The following NINL variants were observed in gnomAD, a reference collection of about 807,000 sequenced individuals.
NINL encodes ninein-like protein.
In NINL, 153 loss-of-function variants were observed where a neutral mutation model predicts 160.3. The observed-to-expected ratio is 0.95, with a 90% CI of 0.84 to 1.09. The LOEUF (loss-of-function observed/expected upper bound fraction) is 1.09, where lower values mean the gene tolerates loss of function less well. NINL is among the 50% of genes least tolerant of loss of function. The probability of loss-of-function intolerance (pLI) is 0.00; values close to 1 mark genes in which losing one functional copy is unlikely to be tolerated. For synonymous variants in NINL, 800 were observed against 734.8 expected (o/e 1.09, Z -1.43); for missense variants, 1,829 against 1,764.0 (o/e 1.04, Z -0.66).
At chr20:25,489,732 A>G in intron 12 of NINL, 143 bp downstream of exon 12, 1 of 674,098 alleles carries the variant, frequency 1.5e-6, no homozygotes, top group Non-Finnish European at 2.6e-6. Context: ...GGAAGGCCTC[A>G]TGCTGACTTT....
chr20:25,481,442 G>C (rs2063385991), intron 14 of NINL, among the ~76,000 whole-genome samples: 1 of 152,148 alleles, frequency 6.6e-6, no homozygotes, highest in South Asian at 2.1e-4. Context: ...GGGGACCCTG[G>C]GTCCTTGGAG....
chr20:25,480,137 C>G (rs1217867167), intron 15 of NINL, 24 bp downstream of exon 15: 1 of 1,567,794 alleles, frequency 6.4e-7, no homozygotes, highest in Admixed American at 1.7e-5. Flanking sequence ...CCCCCAGGGC[C>G]CCACAGCCCC....
chr20:25,575,461 A>AG (rs1406663581), intron 1 of NINL, among the ~76,000 whole-genome samples: 1 of 127,996 alleles, frequency 7.8e-6, no homozygotes, highest in African/African-American at 3.0e-5. Flanking sequence ...AAAAAAAAAA[A>AG]AAAAGAATAG....
chr20:25,482,810 G>A lies in NINL; in HGVS notation c.1678-710C>T, dbSNP rs13045549. 0.022 allele frequency among the ~76,000 whole-genome samples: 3,350 copies of A among 151,462 alleles called. 154 individuals are homozygous for A. The East Asian group carries it at 0.23, about 10-fold the overall frequency. On this transcript the variant is annotated intron_variant, in intron 13 of 23. Transcript: ENST00000278886. ...AGGCCCAGATGAGCAGATCACCTGA[G>A]GTCAGGAGTTTGAGACCAGCCTGGT...
intron 21 of NINL, among the ~76,000 whole-genome samples, chr20:25,460,634 C>T (rs1049278593): frequency 4.6e-5 from 7 of 152,176 alleles, no homozygotes; most frequent in Non-Finnish European, 7.4e-5. Flanking sequence ...AAACTGACAG[C>T]CTGTAGCTGC....
At position 25,476,963 on chromosome 20, in the gene NINL, C is replaced by T. The variant is rs144928426; in HGVS notation, c.2328G>A (p.Ser776=). Residue 776 remains serine (S), a synonymous_variant, in exon 17 of 24, where the codon TCG becomes TCA. Coordinates refer to ENST00000278886, the MANE Select transcript of NINL (RefSeq NM_025176.6). ...GTGCCCTCTCCAGCTCCAGCTGCTCCGACCTCTGGCTCCCGCGTGGCAGGG... is the reference window on the plus strand; with the variant it reads ...GTGCCCTCTCCAGCTCCAGCTGCTCTGACCTCTGGCTCCCGCGTGGCAGGG... ...QGPLPRGSQR[S]EQLELERALK... The T allele has an allele frequency of 1.7e-5, 28 of 1,608,658 alleles. No individual in the cohort carries two copies. The East Asian group carries it at 3.6e-4, about 20-fold the overall frequency.
chr20:25,526,909 T>C (rs1360140141), intron 1 of NINL, among the ~76,000 whole-genome samples: 3 of 152,292 alleles, frequency 2.0e-5, no homozygotes, highest in African/African-American at 7.2e-5. Context: ...CTCACGCTTG[T>C]AATCCCAACA....
At position 25,476,625 on chromosome 20, in the gene NINL, T is replaced by C. The variant is rs2063251882; in HGVS notation, c.2666A>G (p.Gln889Arg). Residue 889 changes from glutamine to arginine, a missense_variant, in exon 17 of 24, where the codon CAG (glutamine) becomes CGG (arginine). Transcript: ENST00000278886. ...CGGGGCAGGGGCGGGGGCCGGGCTC[T>C]GCGTAGCTTCTGTGTCCTGGGCTTG... Reference protein sequence around the residue: ...RRQAQDTEATQSPAPAPAPAS... With the variant: ...RRQAQDTEATRSPAPAPAPAS... The C allele has an allele frequency of 1.9e-6, 3 of 1,592,482 alleles. No homozygotes were observed. Among genetic ancestry groups the C allele is most frequent in the African/African-American group, 1.3e-5 (1 of 74,866 alleles).
chr20:25,566,956 C>A (rs946897078), intron 1 of NINL, among the ~76,000 whole-genome samples: 1 of 149,732 alleles, frequency 6.7e-6, no homozygotes, highest in African/African-American at 2.5e-5. Context: ...GAGTTTGAGA[C>A]CAGCCTGGGC....
chr20:25,568,245 A>G (rs750920612), intron 1 of NINL, among the ~76,000 whole-genome samples: 2 of 150,086 alleles, frequency 1.3e-5, no homozygotes, highest in African/African-American at 2.4e-5. Context: ...AAAAAAAAAG[A>G]CAAACTGCCA....
In NINL at chr20:25,500,828, C is replaced by G. The variant is rs1201113007; in HGVS notation, c.1032+12G>C. 6.2e-7 allele frequency: 1 copy of G among 1,607,904 alleles called. No individual in the cohort carries two copies. The highest frequency in any genetic ancestry group is 1.7e-5 in the Admixed American group (1 of 59,644). ...GTCCCCTGTCCAGCTTAGGCATCAC[C>G]CAGTTCCAAACCTGCAAGATCTCCC... On this transcript the variant is annotated intron_variant, in intron 8 of 23. Coordinates refer to ENST00000278886, the MANE Select transcript of NINL (RefSeq NM_025176.6).
At chr20:25,471,657 A>G (rs1568858254) in intron 17 of NINL, among the ~76,000 whole-genome samples, 1 of 152,250 alleles carries the variant, frequency 6.6e-6, no homozygotes, top group African/African-American at 2.4e-5. Context: ...TATGCAACAC[A>G]AAGCTGGGGG....
intron 13 of NINL, among the ~76,000 whole-genome samples, chr20:25,488,066 C>T (rs1420746089): frequency 2.0e-5 from 3 of 152,212 alleles, no homozygotes; most frequent in Non-Finnish European, 1.5e-5. Context: ...GTGGTCCAAC[C>T]GCAGGCTCTG....
chr20:25,559,768 T>C, intron 1 of NINL, among the ~76,000 whole-genome samples: 1 of 148,850 alleles, frequency 6.7e-6, no homozygotes, highest in African/African-American at 2.5e-5. Flanking sequence ...ACCCGACTAT[T>C]TTTTTTTTTC....
chr20:25,474,674 GT>G (rs2063187557), intron 17 of NINL, among the ~76,000 whole-genome samples: 1 of 151,996 alleles, frequency 6.6e-6, no homozygotes, highest in African/African-American at 2.4e-5. Flanking sequence ...GCAGTGAGTG[GT>G]GTGATCTCGG....
chr20:25,492,254 G>T (rs984046606), intron 10 of NINL, among the ~76,000 whole-genome samples: 1 of 152,040 alleles, frequency 6.6e-6, no homozygotes, highest in Non-Finnish European at 1.5e-5. Context: ...GAGTATGAAG[G>T]AAGTACAATA....
intron 7 of NINL, 122 bp from the exon 8 acceptor site, chr20:25,501,132 AC>A: frequency 7.8e-7 from 1 of 1,289,970 alleles, no homozygotes; most frequent in Non-Finnish European, 1.0e-6. Context: ...AGCTCATGAG[AC>A]CATCCTCAGC....
chr20:25,570,760 T>C (rs2065045700), intron 1 of NINL, among the ~76,000 whole-genome samples: 1 of 131,496 alleles, frequency 7.6e-6, no homozygotes, highest in Non-Finnish European at 1.5e-5. Flanking sequence ...TGGAGTGCAG[T>C]GGCGCAATCT....
In NINL at chr20:25,559,524, CCA is replaced by C. The variant is rs1433950330; in HGVS notation, c.-12+25929_-12+25930del. Among the ~76,000 whole-genome samples the C allele has an allele frequency of 2.6e-5, 4 of 152,296 alleles. No homozygotes were observed. In the East Asian group the frequency reaches 7.7e-4, roughly 29 times the overall value. On this transcript the variant is annotated intron_variant, in intron 1 of 23. Transcript: ENST00000278886. ...AAAGTGCTGGGATTACAGGCATCAG[CCA>C]CCTCACCCAGCTGGGAGGGCCTTTT...
Sources: allele counts gnomAD v4.1 joint callset (sites outside exome capture counted in the v4.1 genomes callset), GRCh38; gene constraint gnomAD v4.1.1; transcripts MANE v1.5; gene names NCBI Gene and HGNC (gene_info 2026-07-23, HGNC 2026-07-21).